The following STX8 variants were observed in gnomAD, a reference collection of about 807,000 sequenced individuals.
The protein encoded by STX8 is syntaxin 8, also known as syntaxin-8.
STX8 carries 23 observed loss-of-function variants against 37.5 expected under a neutral mutation model. That is an observed-to-expected ratio of 0.61 (90% CI 0.44 to 0.87). The LOEUF (loss-of-function observed/expected upper bound fraction) is 0.87. STX8 is among the 40% of genes least tolerant of loss of function. STX8 has a pLI of 0.00. For synonymous variants in STX8, 115 were observed against 99.1 expected (o/e 1.16, Z -0.95); for missense variants, 313 against 284.7 (o/e 1.10, Z -0.71).
intron 7 of STX8, among the ~76,000 whole-genome samples, chr17:9,285,663 G>T (rs1365009010): frequency 1.3e-5 from 2 of 152,152 alleles, no homozygotes; most frequent in Non-Finnish European, 1.5e-5. Context: ...GATCACCCTG[G>T]TTAAATAAAT....
intron 6 of STX8, among the ~76,000 whole-genome samples, chr17:9,396,097 GA>G (rs1555523617): frequency 5.2e-5 from 5 of 95,426 alleles, no homozygotes; most frequent in Admixed American, 4.9e-4. Context: ...ACAACAATAA[GA>G]AAAGAAAGAA....
chr17:9,464,371 A>G (rs1229626274), intron 6 of STX8, among the ~76,000 whole-genome samples: 1 of 152,250 alleles, frequency 6.6e-6, no homozygotes, highest in Non-Finnish European at 1.5e-5. Context: ...GTTTACACCT[A>G]TATCACAAAT....
At chr17:9,370,964 T>C (rs953971825) in intron 7 of STX8, among the ~76,000 whole-genome samples, 2 of 150,930 alleles carry the variant, frequency 1.3e-5, no homozygotes, top group Admixed American at 6.6e-5. Flanking sequence ...GATGCTATCA[T>C]TGGGGTGGGG....
chr17:9,573,647 A>T (rs552307095), intron 1 of STX8, among the ~76,000 whole-genome samples: 1 of 152,290 alleles, frequency 6.6e-6, no homozygotes, highest in South Asian at 2.1e-4. Context: ...TTCTAAATTG[A>T]CTGAGACCTG....
Position 9,252,392 on chromosome 17 carries a change from C to T in STX8, c.644-1747G>A, listed in dbSNP as rs1361799659. 1.4e-4 allele frequency among the ~76,000 whole-genome samples: 21 copies of T among 150,550 alleles called. No individual in the cohort carries two copies. The East Asian group carries it at 3.7e-3, about 27-fold the overall frequency. ...CCGGGAGGCGGAGCTTGCAGTGAGC[C>T]GAGATTGCGCCACTGCACTCCAAAC... On this transcript the variant is annotated intron_variant, in intron 7 of 7. Coordinates refer to ENST00000306357, the MANE Select transcript of STX8 (RefSeq NM_004853.3).
chr17:9,432,917 G>C (rs1167592796), intron 6 of STX8, among the ~76,000 whole-genome samples: 1 of 152,156 alleles, frequency 6.6e-6, no homozygotes, highest in Non-Finnish European at 1.5e-5. Context: ...TATAGCTCAG[G>C]TGCAGTTTAG....
Position 9,505,111 on chromosome 17 carries a change from G to A in STX8, c.375C>T (p.Leu125=), listed in dbSNP as rs765235955. The A allele has an allele frequency of 6.2e-6, 10 of 1,613,690 alleles. No homozygotes were observed. Among genetic ancestry groups the A allele is most frequent in the Non-Finnish European group, 7.6e-6 (9 of 1,179,964 alleles). Residue 125 remains leucine (L), a synonymous_variant, in exon 5 of 8, where the codon CTC becomes CTT. Transcript: ENST00000306357. The part of the protein sequence containing the change: ...EAKRGAPNPW[L]FEEPEETRGL... Reference sequence around the variant, plus strand: ...CTCTGGTCTCCTCTGGCTCCTCAAAGAGCCAAGGGTTGGGTGCTCCTCGCT... The same window carrying A: ...CTCTGGTCTCCTCTGGCTCCTCAAAAAGCCAAGGGTTGGGTGCTCCTCGCT...
rs757411419 is a variant in STX8 at position 9,471,031 on chromosome 17, C to CTTTTTTTTTT, written c.541+20788_541+20797dup. 3.8e-3 allele frequency among the ~76,000 whole-genome samples: 127 copies of CTTTTTTTTTT among 33,054 alleles called. 35 individuals carry two copies. Among genetic ancestry groups the CTTTTTTTTTT allele is most frequent in the Non-Finnish European group, 6.1e-3 (111 of 18,052 alleles). The allele number at this position is 33,054 out of a possible 152,430, so 21.7% of individuals were successfully genotyped here. ...TACAGGCGTGAGCCACTGCATCCTG[C>CTTTTTTTTTT]TTTTTTTTTTTTTTTTTTTTTTTGA... On this transcript the variant is annotated intron_variant, in intron 6 of 7. Transcript: ENST00000306357.
At chr17:9,265,721 C>G (rs1382072173) in intron 7 of STX8, among the ~76,000 whole-genome samples, 1 of 152,184 alleles carries the variant, frequency 6.6e-6, no homozygotes, top group Non-Finnish European at 1.5e-5. Flanking sequence ...ACCTGCCAGG[C>G]ACTGTTCTAG....
intron 6 of STX8, among the ~76,000 whole-genome samples, chr17:9,425,079 G>A (rs1913577887): frequency 6.6e-6 from 1 of 152,128 alleles, no homozygotes; most frequent in Non-Finnish European, 1.5e-5. Context: ...TATGGGGTAG[G>A]ACAGAGGCCA....
At chr17:9,313,046 C>A (rs1460902680) in intron 7 of STX8, among the ~76,000 whole-genome samples, 1 of 152,038 alleles carries the variant, frequency 6.6e-6, no homozygotes, top group Non-Finnish European at 1.5e-5. Flanking sequence ...ACAAAATTAG[C>A]CAGGCATGGT....
chr17:9,361,134 C>T (rs1330909807), intron 7 of STX8, among the ~76,000 whole-genome samples: 1 of 151,812 alleles, frequency 6.6e-6, no homozygotes, highest in Non-Finnish European at 1.5e-5. Context: ...GAAAGGTGAG[C>T]CAAAAAATAA....
At chr17:9,547,519 G>T (rs7218739) in intron 3 of STX8, 150,430 of 150,558 alleles carry the variant, frequency 1, 75,151 homozygotes, top group Non-Finnish European at 1. Context: ...TCGCAGCTAC[G>T]CAGGAGGCTG....
intron 6 of STX8, among the ~76,000 whole-genome samples, chr17:9,441,254 G>A (rs1904637319): frequency 6.6e-6 from 1 of 152,062 alleles, no homozygotes; most frequent in Non-Finnish European, 1.5e-5. Flanking sequence ...CACTTTGGGA[G>A]GCCAAGGCGG....
chr17:9,350,532 T>G (rs1428432154), intron 7 of STX8, among the ~76,000 whole-genome samples: 17 of 151,958 alleles, frequency 1.1e-4, no homozygotes, highest in African/African-American at 3.6e-4. Flanking sequence ...TTTTTTTTGT[T>G]TTTGTTTTTG....
intron 7 of STX8, among the ~76,000 whole-genome samples, chr17:9,294,360 C>A (rs1908436887): frequency 6.6e-6 from 1 of 152,212 alleles, no homozygotes; most frequent in East Asian, 1.9e-4. Flanking sequence ...TATGGTGGGC[C>A]TCAATGGCTC....
At chr17:9,559,297 C>A (rs765517744) in intron 2 of STX8, among the ~76,000 whole-genome samples, 31 of 152,060 alleles carry the variant, frequency 2.0e-4, no homozygotes, top group Admixed American at 1.5e-3. Flanking sequence ...ACATGTCAAT[C>A]TTACTTAGGA....
At chr17:9,429,282 TATATATAAA>T (rs1006967974) in intron 6 of STX8, among the ~76,000 whole-genome samples, 5 of 146,802 alleles carry the variant, frequency 3.4e-5, no homozygotes, top group African/African-American at 1.2e-4. Flanking sequence ...TTTTATATAT[TATATATAAA>T]ATATATAAAT....
chr17:9,508,467 ACAGGGG>A, intron 4 of STX8, among the ~76,000 whole-genome samples: 2 of 152,288 alleles, frequency 1.3e-5, no homozygotes, highest in South Asian at 4.1e-4. Context: ...AGCTGGGACT[ACAGGGG>A]CATGCCATCA....
Sources: gnomAD v4.1 joint callset for allele counts (sites outside exome capture counted in the v4.1 genomes callset) on GRCh38, gnomAD v4.1.1 for gene constraint, MANE v1.5 for transcripts, NCBI Gene and HGNC (gene_info 2026-07-23, HGNC 2026-07-21) for gene names.